The following COL4A4 variants were observed in gnomAD, a reference collection of about 807,000 sequenced individuals.
COL4A4 encodes the protein collagen alpha-4(IV) chain.
COL4A4 carries 105 observed loss-of-function variants against 192.9 expected under a neutral mutation model. That is an observed-to-expected ratio of 0.54 (90% CI 0.46 to 0.64). The LOEUF (loss-of-function observed/expected upper bound fraction) is 0.64, where lower values mean the gene tolerates loss of function less well. COL4A4 is among the 30% of genes least tolerant of loss of function. COL4A4 has a pLI of 0.00. For synonymous variants in COL4A4, 762 were observed against 769.9 expected, an observed-to-expected ratio of 0.99 and a Z score of 0.17; for missense variants, 1,967 against 2,169.3, an observed-to-expected ratio of 0.91 and a Z score of 1.85.
chr2:226,981,494 TAGCACACACA>T, the COL4A4 span, among the ~76,000 whole-genome samples: 3 of 150,530 alleles, frequency 2.0e-5, no homozygotes, highest in African/African-American at 7.3e-5. Flanking sequence ...CTCTGTAGGT[TAGCACACACA>T]AGCACACACT....
intron 44 of COL4A4, among the ~76,000 whole-genome samples, chr2:227,016,835 G>A (rs537172544): frequency 6.6e-6 from 1 of 152,268 alleles, no homozygotes; most frequent in South Asian, 2.1e-4. Context: ...AGAGTGTCCT[G>A]GACTGCATGC....
chr2:227,144,688 T>C, intron 2 of COL4A4, 130 bp from the exon 3 acceptor site: 1 of 699,828 alleles, frequency 1.4e-6, no homozygotes, highest in Non-Finnish European at 2.5e-6. Context: ...ACTAGCCGAC[T>C]TGTCATCAGT....
chr2:227,107,831 C>T (rs1490643569), intron 12 of COL4A4, among the ~76,000 whole-genome samples: 1 of 148,970 alleles, frequency 6.7e-6, no homozygotes. Context: ...AATCTTGGCT[C>T]ACTGCAAGCT....
the COL4A4 span, among the ~76,000 whole-genome samples, chr2:226,983,890 C>A: frequency 1.3e-5 from 2 of 152,276 alleles, no homozygotes; most frequent in Admixed American, 6.5e-5. Context: ...AAAAATGCTT[C>A]TTTATACCTT....
At chr2:227,056,693 T>C (rs1040341175) in intron 29 of COL4A4, among the ~76,000 whole-genome samples, 2 of 152,200 alleles carry the variant, frequency 1.3e-5, no homozygotes, top group Non-Finnish European at 2.9e-5. Flanking sequence ...AATTCATATG[T>C]TGAAAGTTAA....
intron 4 of COL4A4, among the ~76,000 whole-genome samples, chr2:227,135,015 C>T (rs1448983311): frequency 6.6e-6 from 1 of 152,158 alleles, no homozygotes; most frequent in African/African-American, 2.4e-5. Flanking sequence ...GCAAGGAGCC[C>T]ACCAGTAAAC....
At chr2:226,988,870 C>G in the COL4A4 span, 1 of 210,090 alleles carries the variant, frequency 4.8e-6, no homozygotes, top group Non-Finnish European at 8.3e-6. Context: ...TACTCCTTGT[C>G]AAAGGAGATC....
chr2:227,027,980 G>A lies in COL4A4; in HGVS notation c.4003C>T (p.Pro1335Ser), dbSNP rs1331634432. The change falls in exon 42 of 48, where the codon CCA becomes TCA. Residue 1335 changes from proline to serine, a missense_variant. Pro to Ser is a moderately conservative substitution (Grantham distance 74). Transcript: ENST00000396625. ...GPVGFPGPQG[P>S]HGFPGPPGEK... ...CCAGGTGGCCCAGGAAATCCATGTGGTCCCTGCGGTCCCGGGAATCCCACT... is the reference window on the plus strand; with the variant it reads ...CCAGGTGGCCCAGGAAATCCATGTGATCCCTGCGGTCCCGGGAATCCCACT... 2 of 1,613,082 alleles carry A rather than the reference G, an allele frequency of 1.2e-6. No homozygotes were observed. Among genetic ancestry groups the A allele is most frequent in the Non-Finnish European group, 1.7e-6 (2 of 1,179,534 alleles).
At chr2:226,981,560 G>A in the COL4A4 span, among the ~76,000 whole-genome samples, 2 of 96,750 alleles carry the variant, frequency 2.1e-5, no homozygotes, top group African/African-American at 1.3e-4. Flanking sequence ...TCATCCACAT[G>A]CACACACATA....
In COL4A4 at chr2:227,041,859, A is replaced by AG. The variant is rs1559478471; in HGVS notation, c.3505+288_3505+289insC. Among the ~76,000 whole-genome samples the AG allele has an allele frequency of 1.3e-3, 133 of 103,856 alleles. 4 individuals carry two copies. Among genetic ancestry groups the AG allele is most frequent in the African/African-American group, 3.7e-3 (83 of 22,592 alleles). The allele number at this position is 103,856 out of a possible 152,430, so 68.1% of individuals were successfully genotyped here. On this transcript the variant is annotated intron_variant, in intron 37 of 47. Coordinates refer to ENST00000396625, the MANE Select transcript of COL4A4 (RefSeq NM_000092.5). The stretch of plus-strand genomic sequence containing the variant: ...AAGAAAGAAAGAAAGAGAAAGAAAG[A>AG]AAGAAAGAAAGAAAGAAAGAAAGAA...
At chr2:227,041,524 C>A (rs912231758) in intron 37 of COL4A4, among the ~76,000 whole-genome samples, 1 of 151,240 alleles carries the variant, frequency 6.6e-6, no homozygotes, top group South Asian at 2.1e-4. Context: ...ACCTGTAATC[C>A]CAGCTACTTA....
intron 7 of COL4A4, among the ~76,000 whole-genome samples, chr2:227,116,801 C>G (rs373914536): frequency 2.6e-4 from 39 of 152,236 alleles, no homozygotes; most frequent in Admixed American, 8.5e-4. Context: ...ATTAAAGGAA[C>G]CCTGAGAGAT....
At chr2:227,135,040 C>T (rs549035461) in intron 4 of COL4A4, among the ~76,000 whole-genome samples, 1 of 152,164 alleles carries the variant, frequency 6.6e-6, no homozygotes, top group East Asian at 1.9e-4. Flanking sequence ...AGAGCTTCCT[C>T]CCTTGAAACT....
chr2:227,093,681 TTTTA>T (rs2060055999), intron 20 of COL4A4, among the ~76,000 whole-genome samples: 1 of 152,128 alleles, frequency 6.6e-6, no homozygotes, highest in African/African-American at 2.4e-5. Context: ...TTATTTTTAT[TTTTA>T]TTTCATTTAT....
intron 44 of COL4A4, among the ~76,000 whole-genome samples, chr2:227,017,216 A>G (rs1965075604): frequency 6.6e-6 from 1 of 152,202 alleles, no homozygotes; most frequent in Admixed American, 6.5e-5. Context: ...AGATCTGGGA[A>G]AAAGAGTCCT....
At chr2:227,095,045 C>A (rs1041975177) in intron 19 of COL4A4, among the ~76,000 whole-genome samples, 9 of 152,182 alleles carry the variant, frequency 5.9e-5, no homozygotes, top group African/African-American at 2.2e-4. Context: ...ATTAAAATGT[C>A]TTGCCTCCTT....
At chr2:227,087,610 C>A (rs2059673743) in intron 22 of COL4A4, among the ~76,000 whole-genome samples, 1 of 152,188 alleles carries the variant, frequency 6.6e-6, no homozygotes, top group African/African-American at 2.4e-5. Context: ...CCACACCCAG[C>A]ACCACCACAT....
chr2:227,114,421 T>C (rs974384444), intron 8 of COL4A4: 23 of 661,582 alleles, frequency 3.5e-5, no homozygotes, highest in Non-Finnish European at 6.4e-5. Context: ...TCAGAAGTAA[T>C]GGAATTTTAC....
At chr2:227,041,775 GAAGGAAGGAAGGGAAAGAAAGAAAGAAA>G (rs1971022537) in intron 37 of COL4A4, among the ~76,000 whole-genome samples, 1 of 76,444 alleles carries the variant, frequency 1.3e-5, no homozygotes, top group Non-Finnish European at 2.6e-5. Flanking sequence ...AGGAAGGAAG[GAAGGAAGGAAGGGAAAGAAAGAAAGAAA>G]GGAAGAAAGA....
Sources: gnomAD v4.1 joint callset for allele counts (sites outside exome capture counted in the v4.1 genomes callset) on GRCh38, gnomAD v4.1.1 for gene constraint, MANE v1.5 for transcripts, NCBI Gene and HGNC (gene_info 2026-07-23, HGNC 2026-07-21) for gene names.